Variants in METTL16 observed in about 807,000 individuals in gnomAD.
The protein encoded by METTL16 is RNA N(6)-adenosine-methyltransferase METTL16.
In METTL16, 19 loss-of-function variants were observed where a neutral mutation model predicts 57.9. The ratio of observed to expected loss-of-function variants is 0.33; its 90% confidence interval spans 0.23 to 0.48. METTL16 has a LOEUF of 0.48. METTL16 is among the 20% of genes least tolerant of loss of function. The pLI is 0.99. For missense variants in METTL16, 434 were observed against 691.5 expected, an observed-to-expected ratio of 0.63 and a Z score of 4.18; for synonymous variants, 246 against 255.6, an observed-to-expected ratio of 0.96 and a Z score of 0.36.
chr17:2,502,189 T>C lies in METTL16; in HGVS notation c.128+15A>G. 6.2e-7 allele frequency: 1 copy of C among 1,611,534 alleles called. No homozygotes were observed. Among genetic ancestry groups the C allele is most frequent in the South Asian group, 1.1e-5 (1 of 90,878 alleles). The stretch of plus-strand genomic sequence containing the variant: ...ATCACACAAGAATAACAGTGATTTT[T>C]CATCCGTTACCTACCTCACTCTTCC... On this transcript the variant is annotated intron_variant, in intron 2 of 9. Transcript: ENST00000263092.
At chr17:2,484,073 G>GA (rs1024229454) in intron 2 of METTL16, among the ~76,000 whole-genome samples, 73 of 152,180 alleles carry the variant, frequency 4.8e-4, no homozygotes, top group Middle Eastern at 3.4e-3. Flanking sequence ...AATTTGAGGA[G>GA]AAAAAAGTTT....
intron 5 of METTL16, among the ~76,000 whole-genome samples, chr17:2,465,608 A>G (rs1475913435): frequency 5.3e-5 from 8 of 151,294 alleles, no homozygotes; most frequent in Non-Finnish European, 4.4e-5. Flanking sequence ...CATGCCTGTA[A>G]TCCTAGCATC....
At chr17:2,447,782 C>A (rs1435389660) in intron 6 of METTL16, among the ~76,000 whole-genome samples, 1 of 126,548 alleles carries the variant, frequency 7.9e-6, no homozygotes, top group Non-Finnish European at 1.7e-5. Context: ...CCCGGCCAGC[C>A]GCCCCGTCCG....
chr17:2,435,709 G>C (rs2066904355), intron 8 of METTL16, among the ~76,000 whole-genome samples: 1 of 150,510 alleles, frequency 6.6e-6, no homozygotes. Flanking sequence ...GGGGAGTCTG[G>C]GGCCCTCAGC....
At chr17:2,463,698 G>C (rs1474912213) in intron 6 of METTL16, among the ~76,000 whole-genome samples, 1 of 151,676 alleles carries the variant, frequency 6.6e-6, no homozygotes, top group African/African-American at 2.4e-5. Flanking sequence ...CTAACCTTCT[G>C]ATCTGCCCAC....
chr17:2,416,896 GCATATGCATGACCAAAA>G lies in METTL16; in HGVS notation c.*3057_*3073del, dbSNP rs1402745317. The G allele has an allele frequency of 6.6e-6, 1 of 152,104 alleles. No individual in the cohort carries two copies. The highest frequency in any genetic ancestry group is 1.5e-5 in the Non-Finnish European group (1 of 68,152). The allele number at this position is 152,104 out of a possible 1,614,324, so 9.4% of individuals were successfully genotyped here. On this transcript the variant is annotated 3_prime_UTR_variant, in exon 10 of 10. Coordinates refer to ENST00000263092, the MANE Select transcript of METTL16 (RefSeq NM_024086.4). ...CTATGAAACAACACACAATTATAAA[GCATATGCATGACCAAAA>G]CAATGCTTAGATGTCCTTTAAAAAT...
At chr17:2,448,849 A>T (rs2067047094) in intron 6 of METTL16, among the ~76,000 whole-genome samples, 1 of 146,324 alleles carries the variant, frequency 6.8e-6, no homozygotes, top group Non-Finnish European at 1.5e-5. Flanking sequence ...CAACATGGTG[A>T]AACCCCATCT....
In METTL16 at chr17:2,418,407, A is replaced by G. The variant is rs1383821044; in HGVS notation, c.*1563T>C. 2 of 152,244 alleles carry G rather than the reference A, an allele frequency of 1.3e-5. No homozygotes were observed. The highest frequency in any genetic ancestry group is 2.4e-5 in the African/African-American group (1 of 41,444). The allele number at this position is 152,244 out of a possible 1,614,324, so 9.4% of individuals were successfully genotyped here. A position where few individuals can be genotyped will look rare whatever the true frequency, so the allele number is the denominator to read the frequency against. Reference sequence around the variant, plus strand: ...TGAGTTCGAGATTAGCCTGGCCAACATGGTGAAATCCCATCTCTACCAAAA... The same window carrying G: ...TGAGTTCGAGATTAGCCTGGCCAACGTGGTGAAATCCCATCTCTACCAAAA... On this transcript the variant is annotated 3_prime_UTR_variant, in exon 10 of 10. Coordinates refer to ENST00000263092, the MANE Select transcript of METTL16 (RefSeq NM_024086.4).
rs181607196 is a variant in METTL16, at chr17:2,452,633, T to C, written c.729-11074A>G. Among the ~76,000 whole-genome samples the C allele has an allele frequency of 2.7e-3, 407 of 152,282 alleles. 5 individuals are homozygous for C. The Middle Eastern group carries it at 0.041, about 15-fold the overall frequency. ...CTGAGATGGTAGGTTTCAAGAAAAA[T>C]TATTTTGAAATAATTTCAAACTTTC... On this transcript the variant is annotated intron_variant, in intron 6 of 9. Transcript: ENST00000263092.
intron 2 of METTL16, among the ~76,000 whole-genome samples, chr17:2,479,779 A>G (rs1164432259): frequency 6.6e-6 from 1 of 152,164 alleles, no homozygotes; most frequent in East Asian, 1.9e-4. Flanking sequence ...TCCCCACAGC[A>G]AAAATGTTCT....
intron 6 of METTL16, among the ~76,000 whole-genome samples, chr17:2,450,357 T>C (rs996912280): frequency 1.3e-5 from 2 of 152,162 alleles, no homozygotes; most frequent in East Asian, 3.9e-4. Flanking sequence ...AAACCTACAT[T>C]TTCTATGACT....
chr17:2,461,218 G>T (rs532137779), intron 6 of METTL16, among the ~76,000 whole-genome samples: 4 of 152,078 alleles, frequency 2.6e-5, no homozygotes, highest in Non-Finnish European at 5.9e-5. Context: ...TTAGCCAGGC[G>T]TGGTGGCGCG....
rs1567881710 is a variant in METTL16 at position 2,428,597 on chromosome 17, AT to A, written c.889-7694del. 1.3e-3 allele frequency among the ~76,000 whole-genome samples: 67 copies of A among 49,818 alleles called. 5 individuals are homozygous for A. The highest frequency in any genetic ancestry group is 3.8e-3 in the African/African-American group (40 of 10,480). 32.7% of individuals were successfully genotyped at this position (49,818 alleles called of 152,430 possible). On this transcript the variant is annotated intron_variant, in intron 8 of 9. Coordinates refer to ENST00000263092, the MANE Select transcript of METTL16 (RefSeq NM_024086.4). ...TATATATATATATATATATATATAT[AT>A]ATATAAATTGTAATACAGCGGGGCA...
intron 8 of METTL16, among the ~76,000 whole-genome samples, chr17:2,426,819 T>G (rs1487027810): frequency 6.8e-6 from 1 of 147,028 alleles, no homozygotes; most frequent in African/African-American, 2.5e-5. Context: ...TGATTATAAA[T>G]ACATACGTGT....
At chr17:2,447,470 CG>C (rs2067011103) in intron 6 of METTL16, among the ~76,000 whole-genome samples, 2 of 138,250 alleles carry the variant, frequency 1.4e-5, no homozygotes, top group African/African-American at 3.1e-5. Flanking sequence ...GCCCCCCGCC[CG>C]GCCAGCCGCC....
chr17:2,430,078 TGCTGGGATTACAGACATGA>T (rs1201729727), intron 8 of METTL16, among the ~76,000 whole-genome samples: 1 of 151,886 alleles, frequency 6.6e-6, no homozygotes, highest in African/African-American at 2.4e-5. Context: ...CCTCCCAAAG[TGCTGGGATTACAGACATGA>T]GCCACCTGCC....
Position 2,419,461 on chromosome 17 carries a change from C to A in METTL16, c.*509G>T, listed in dbSNP as rs1360394628. The A allele has an allele frequency of 1.2e-5, 4 of 335,464 alleles. No individual in the cohort carries two copies. The highest frequency in any genetic ancestry group is 2.4e-5 in the Non-Finnish European group (4 of 168,644). 20.8% of individuals were successfully genotyped at this position (335,464 alleles called of 1,614,324 possible). ...AAGGTTTCTCTCCCAGATTCCCCACCACCCACCATACAGCTCCCTTTGTGG... is the reference window on the plus strand; with the variant it reads ...AAGGTTTCTCTCCCAGATTCCCCACAACCCACCATACAGCTCCCTTTGTGG... On this transcript the variant is annotated 3_prime_UTR_variant, in exon 10 of 10. Coordinates refer to ENST00000263092, the MANE Select transcript of METTL16 (RefSeq NM_024086.4).
In METTL16 at chr17:2,420,126, G is replaced by T; in HGVS notation, c.1533C>A (p.Ala511=). ...TCAAACACTTAAACAGGTACTGTCC[G>T]GCCACTCCTGGGAGACGTTTCCCCC... is the stretch of plus-strand genomic sequence containing the variant. ...AERGKRLPGV[A]GQYLFKCLIN... The change falls in exon 10 of 10, where the codon GCC becomes GCA. Residue 511 remains alanine, a synonymous_variant. Coordinates refer to ENST00000263092, the MANE Select transcript of METTL16 (RefSeq NM_024086.4). This position sits in a 1 kb window ranked among gnomAD's most constrained non-coding sequence, Gnocchi z 5.4. 3.1e-6 allele frequency: 5 copies of T among 1,614,176 alleles called. No homozygotes were observed. In the South Asian group the frequency reaches 5.5e-5, roughly 18 times the overall value.
chr17:2,426,984 A>C (rs561680652), intron 8 of METTL16, among the ~76,000 whole-genome samples: 1 of 149,848 alleles, frequency 6.7e-6, no homozygotes, highest in South Asian at 2.1e-4. Context: ...AAAATACGAA[A>C]AAAAAAAAAA....
Sources: gnomAD v4.1 joint callset for allele counts (sites outside exome capture counted in the v4.1 genomes callset) on GRCh38, gnomAD v4.1.1 for gene constraint, Gnocchi (gnomAD v3.1) non-coding constraint, MANE v1.5 for transcripts, NCBI Gene and HGNC (gene_info 2026-07-23, HGNC 2026-07-21) for gene names.